SENP7: variants seen among roughly 807,000 people sequenced by gnomAD.
The protein encoded by SENP7 is sentrin-specific protease 7.
A neutral mutation model predicts 141.2 loss-of-function variants in SENP7; 64 were observed. That is an observed-to-expected ratio of 0.45 (90% confidence interval 0.37 to 0.56). The LOEUF is 0.56. Ranked by LOEUF, SENP7 falls within the 20% of genes least tolerant of loss-of-function variation. The probability of loss-of-function intolerance (pLI) is 0.00; values close to 1 mark genes in which losing one functional copy is unlikely to be tolerated. For synonymous variants in SENP7, 382 were observed against 426.4 expected, an observed-to-expected ratio of 0.90 and a Z score of 1.28; for missense variants, 1,025 against 1,212.2, an observed-to-expected ratio of 0.85 and a Z score of 2.29.
chr3:101,421,111 G>A (rs2061779084), intron 4 of SENP7, among the ~76,000 whole-genome samples: 1 of 151,992 alleles, frequency 6.6e-6, no homozygotes. Flanking sequence ...TATTATAATT[G>A]TTATGTAAGA....
chr3:101,393,159 AT>A (rs2060863256), intron 6 of SENP7, among the ~76,000 whole-genome samples: 1 of 152,192 alleles, frequency 6.6e-6, no homozygotes, highest in Admixed American at 6.5e-5. Context: ...GAATGAAACT[AT>A]ACCCCTATTT....
chr3:101,400,860 C>G (rs1371792784), intron 5 of SENP7, among the ~76,000 whole-genome samples: 1 of 151,218 alleles, frequency 6.6e-6, no homozygotes, highest in African/African-American at 2.4e-5. Flanking sequence ...TTTGGGAGGT[C>G]AAGGTGGGAC....
At chr3:101,487,858 T>C (rs915008189) in intron 3 of SENP7, among the ~76,000 whole-genome samples, 3 of 152,242 alleles carry the variant, frequency 2.0e-5, no homozygotes, top group Non-Finnish European at 2.9e-5. Context: ...TTTTGGTTAC[T>C]GTGGGCTTAT....
chr3:101,418,795 A>G (rs1042750504), intron 4 of SENP7, among the ~76,000 whole-genome samples: 4 of 152,150 alleles, frequency 2.6e-5, no homozygotes, highest in Non-Finnish European at 5.9e-5. Context: ...TGAAAACTCC[A>G]AACATGTTGC....
chr3:101,458,219 G>C (rs1253767641), intron 4 of SENP7, among the ~76,000 whole-genome samples: 4 of 151,998 alleles, frequency 2.6e-5, no homozygotes, highest in African/African-American at 9.7e-5. Flanking sequence ...ACCTGAAAAG[G>C]GAGAATTAGA....
At chr3:101,380,437 C>T (rs927053713) in intron 6 of SENP7, among the ~76,000 whole-genome samples, 33 of 12,798 alleles carry the variant, frequency 2.6e-3, no homozygotes, top group Admixed American at 3.2e-3. Context: ...AAACCACCGC[C>T]CCCCCCCCCA....
At chr3:101,500,526 G>C (rs1341830011) in intron 2 of SENP7, among the ~76,000 whole-genome samples, 2 of 151,938 alleles carry the variant, frequency 1.3e-5, no homozygotes, top group Admixed American at 1.3e-4. Flanking sequence ...CTGGGCAACA[G>C]AGCAAGACCC....
In SENP7 at chr3:101,351,653, T is replaced by C. The variant is rs1186396088; in HGVS notation, c.1624-2A>G. On this transcript the variant is annotated splice_acceptor_variant, in intron 11 of 23. Transcript: ENST00000394095. LOFTEE classifies it high-confidence loss of function. ...GATCTTAATATATTTTTTTGTGATC[T>C]GAAGAAAAAATTAAAAAGCAAACAA... 4 of 1,347,986 alleles carry C rather than the reference T, an allele frequency of 3.0e-6. No individual in the cohort carries two copies. Among genetic ancestry groups the C allele is most frequent in the Non-Finnish European group, 3.9e-6 (4 of 1,030,702 alleles). The allele number at this position is 1,347,986 out of a possible 1,614,324, so 83.5% of individuals were successfully genotyped here.
chr3:101,430,921 C>A (rs1371912553), intron 4 of SENP7, among the ~76,000 whole-genome samples: 1 of 152,162 alleles, frequency 6.6e-6, no homozygotes, highest in Non-Finnish European at 1.5e-5. Flanking sequence ...TTTATTTCTG[C>A]CTTCATTTCG....
intron 4 of SENP7, among the ~76,000 whole-genome samples, chr3:101,443,649 T>G (rs2062769589): frequency 6.6e-6 from 1 of 151,030 alleles, no homozygotes; most frequent in South Asian, 2.1e-4. Context: ...GTAGTTCTCC[T>G]TGAAGAGGTC....
chr3:101,500,650 G>A (rs192462080), intron 2 of SENP7, among the ~76,000 whole-genome samples: 5 of 152,224 alleles, frequency 3.3e-5, no homozygotes, highest in Non-Finnish European at 5.9e-5. Flanking sequence ...CTTGGCTTAC[G>A]TAGAAGAAAT....
intron 3 of SENP7, among the ~76,000 whole-genome samples, chr3:101,466,344 GAC>G (rs368651960): frequency 0.017 from 2,560 of 152,132 alleles, 50 homozygotes; most frequent in South Asian, 0.057. Flanking sequence ...AAAAGTCAAA[GAC>G]ACAATTCTAA....
intron 18 of SENP7, 105 bp downstream of exon 18, chr3:101,332,665 G>C: frequency 1.7e-6 from 1 of 594,608 alleles, no homozygotes; most frequent in Non-Finnish European, 2.7e-6. Flanking sequence ...AATAATACCT[G>C]AGATGTATGT....
In SENP7 at chr3:101,411,759, T is replaced by G. The variant is rs537866660; in HGVS notation, c.482+5834A>C. Reference sequence around the variant, plus strand: ...GAACTAAAGTTGTCATTTCACACATTTACCCAATTTTTTCCTAAGTATGTA... The same window carrying G: ...GAACTAAAGTTGTCATTTCACACATGTACCCAATTTTTTCCTAAGTATGTA... On this transcript the variant is annotated intron_variant, in intron 5 of 23. Coordinates refer to ENST00000394095, the MANE Select transcript of SENP7 (RefSeq NM_020654.5). Among the ~76,000 whole-genome samples the G allele has an allele frequency of 7.2e-5, 11 of 152,338 alleles. No homozygotes were observed. The South Asian group carries it at 2.3e-3, about 32-fold the overall frequency.
At chr3:101,461,280 A>G (rs2107894384) in intron 3 of SENP7, among the ~76,000 whole-genome samples, 1 of 152,298 alleles carries the variant, frequency 6.6e-6, no homozygotes, top group East Asian at 1.9e-4. Flanking sequence ...AAAAGAATCA[A>G]TGTTGTTAAA....
intron 11 of SENP7, among the ~76,000 whole-genome samples, chr3:101,353,478 C>G (rs1401016715): frequency 6.6e-6 from 1 of 151,930 alleles, no homozygotes; most frequent in Non-Finnish European, 1.5e-5. Flanking sequence ...GGTTACCTCT[C>G]CAGAGTTAAA....
At chr3:101,365,527 T>C (rs919287078) in intron 9 of SENP7, among the ~76,000 whole-genome samples, 7 of 149,638 alleles carry the variant, frequency 4.7e-5, no homozygotes, top group Non-Finnish European at 1.0e-4. Flanking sequence ...TCCCAGCTAC[T>C]TGGGAGGCTG....
At chr3:101,430,536 C>G (rs1013534507) in intron 4 of SENP7, among the ~76,000 whole-genome samples, 1 of 151,768 alleles carries the variant, frequency 6.6e-6, no homozygotes, top group African/African-American at 2.4e-5. Context: ...TGGTGATATC[C>G]CCTTTATCAT....
intron 13 of SENP7, among the ~76,000 whole-genome samples, chr3:101,345,596 G>GA (rs1459947171): frequency 6.6e-6 from 1 of 152,122 alleles, no homozygotes; most frequent in East Asian, 1.9e-4. Context: ...TTTGTATCCT[G>GA]AAACAGTGAC....
Sources: gnomAD v4.1 joint callset for allele counts (sites outside exome capture counted in the v4.1 genomes callset) on GRCh38, gnomAD v4.1.1 for gene constraint, MANE v1.5 for transcripts, NCBI Gene and HGNC (gene_info 2026-07-23, HGNC 2026-07-21) for gene names.